Variants in ADAMTSL3 observed in about 807,000 individuals in gnomAD.
ADAMTSL3 encodes the protein ADAMTS like 3, also known as ADAMTS-like protein 3.
ADAMTSL3 carries 128 observed loss-of-function variants against 201.7 expected under a neutral mutation model. The observed-to-expected ratio is 0.63, with a 90% CI of 0.55 to 0.73. The LOEUF is 0.73. Ranked by LOEUF, ADAMTSL3 falls within the 30% of genes least tolerant of loss-of-function variation. ADAMTSL3 has a pLI of 0.00. For synonymous variants in ADAMTSL3, 738 were observed against 748.4 expected (o/e 0.99, Z 0.23); for missense variants, 1,990 against 2,119.6 (o/e 0.94, Z 1.20).
At chr15:83,860,881 G>A (rs1275725081) in intron 8 of ADAMTSL3, among the ~76,000 whole-genome samples, 2 of 152,284 alleles carry the variant, frequency 1.3e-5, no homozygotes, top group Middle Eastern at 3.4e-3. Context: ...CGCGTCACCC[G>A]GGAAGCGCAA....
At chr15:84,028,077 G>C (rs558467226) in intron 27 of ADAMTSL3, among the ~76,000 whole-genome samples, 8 of 152,182 alleles carry the variant, frequency 5.3e-5, no homozygotes, top group Admixed American at 5.2e-4. Flanking sequence ...AATGGTTGCC[G>C]AGGCTTGGGG....
chr15:83,867,540 C>T (rs1302768532), intron 8 of ADAMTSL3, among the ~76,000 whole-genome samples: 1 of 152,196 alleles, frequency 6.6e-6, no homozygotes, highest in Non-Finnish European at 1.5e-5. Flanking sequence ...AATATTTTCC[C>T]TTTAAGCCCT....
intron 26 of ADAMTSL3, among the ~76,000 whole-genome samples, chr15:84,024,467 T>C (rs962980017): frequency 1.3e-5 from 2 of 152,244 alleles, no homozygotes; most frequent in African/African-American, 4.8e-5. Flanking sequence ...TTGTGGCCTA[T>C]GTTTCTATAA....
chr15:83,758,557 T>C (rs1046473514), intron 3 of ADAMTSL3, among the ~76,000 whole-genome samples: 3 of 152,232 alleles, frequency 2.0e-5, no homozygotes, highest in African/African-American at 4.8e-5. Context: ...CCTGTTTGTT[T>C]GTTTTATAAT....
At chr15:83,776,147 C>T (rs2063070695) in intron 4 of ADAMTSL3, among the ~76,000 whole-genome samples, 1 of 152,178 alleles carries the variant, frequency 6.6e-6, no homozygotes, top group Non-Finnish European at 1.5e-5. Flanking sequence ...AAGTGGTATC[C>T]TTAAAATTTC....
intron 2 of ADAMTSL3, among the ~76,000 whole-genome samples, chr15:83,686,989 G>A (rs61665981): frequency 0.019 from 2,849 of 152,102 alleles, 82 homozygotes; most frequent in African/African-American, 0.058. Flanking sequence ...TGAGGAGTTC[G>A]AGATGAGTCT....
At chr15:84,002,747 A>G (rs368829925) in intron 23 of ADAMTSL3, among the ~76,000 whole-genome samples, 2 of 152,012 alleles carry the variant, frequency 1.3e-5, no homozygotes, top group East Asian at 3.9e-4. Flanking sequence ...TATGAATCGG[A>G]CTTTCTTATA....
At chr15:83,907,962 G>C (rs1361225574) in intron 15 of ADAMTSL3, among the ~76,000 whole-genome samples, 4 of 152,202 alleles carry the variant, frequency 2.6e-5, no homozygotes, top group African/African-American at 9.6e-5. Context: ...CATGGAGGTT[G>C]TCCTAATTTA....
intron 9 of ADAMTSL3, among the ~76,000 whole-genome samples, chr15:83,878,058 G>C (rs111301364): frequency 2.0e-5 from 3 of 152,190 alleles, no homozygotes; most frequent in African/African-American, 7.2e-5. Flanking sequence ...AAAGTTCCCT[G>C]TAATTCACCA....
intron 12 of ADAMTSL3, among the ~76,000 whole-genome samples, chr15:83,891,739 A>G (rs1228621008): frequency 6.6e-6 from 1 of 152,144 alleles, no homozygotes; most frequent in Non-Finnish European, 1.5e-5. Flanking sequence ...AATATTGTCC[A>G]TTAGTATTTA....
intron 8 of ADAMTSL3, among the ~76,000 whole-genome samples, chr15:83,859,940 A>C (rs1274228429): frequency 1.3e-5 from 2 of 152,102 alleles, no homozygotes; most frequent in African/African-American, 2.4e-5. Context: ...TGGCAGGAGG[A>C]TCACTTGAGT....
rs199855902 is a variant in ADAMTSL3, at chr15:83,779,697, CAAAA to C, written c.317+6065_317+6068del. On this transcript the variant is annotated intron_variant, in intron 4 of 29. Coordinates refer to ENST00000286744, the MANE Select transcript of ADAMTSL3 (RefSeq NM_207517.3). ...TGGGCAACAGAGCAAGACTCCATCT[CAAAA>C]AAAAAAAAAAAAAAAAAGGAAAAAC... Among the ~76,000 whole-genome samples the C allele has an allele frequency of 1.1e-3, 76 of 72,094 alleles. 1 individual carries two copies. The South Asian group carries it at 0.012, about 11-fold the overall frequency. The allele number at this position is 72,094 out of a possible 152,430, so 47.3% of individuals were successfully genotyped here. A position where few individuals can be genotyped will look rare whatever the true frequency, so the allele number is the denominator to read the frequency against.
rs117163489 is a variant in ADAMTSL3 at position 83,973,099 on chromosome 15, C to G, written c.2644+2462C>G. ...AACGTTTCCTAACATCCAAGACAAC[C>G]AATATCTGTGATGATGACCTTTCTA... On this transcript the variant is annotated intron_variant, in intron 20 of 29. Coordinates refer to ENST00000286744, the MANE Select transcript of ADAMTSL3 (RefSeq NM_207517.3). Among the ~76,000 whole-genome samples, 68 of 152,238 alleles carry G rather than the reference C, an allele frequency of 4.5e-4. 1 individual carries two copies. The East Asian group carries it at 0.012, about 27-fold the overall frequency.
chr15:83,990,583 T>TGG (rs1567286669), intron 22 of ADAMTSL3, among the ~76,000 whole-genome samples: 2 of 152,184 alleles, frequency 1.3e-5, no homozygotes, highest in Non-Finnish European at 2.9e-5. Context: ...CAGGACCTTC[T>TGG]GTCCTGTCTT....
chr15:83,720,152 G>C (rs1258774185), intron 3 of ADAMTSL3, among the ~76,000 whole-genome samples: 2 of 152,178 alleles, frequency 1.3e-5, no homozygotes, highest in African/African-American at 4.8e-5. Flanking sequence ...CTGGGAGGCA[G>C]AGGTTGCAGT....
intron 28 of ADAMTSL3, among the ~76,000 whole-genome samples, chr15:84,031,673 G>A (rs1002305679): frequency 1.3e-5 from 2 of 152,120 alleles, no homozygotes; most frequent in Non-Finnish European, 2.9e-5. Flanking sequence ...ACCACTCTAT[G>A]TGGTAAAAGG....
At chr15:83,900,301 A>G (rs1031248269) in intron 15 of ADAMTSL3, among the ~76,000 whole-genome samples, 7 of 152,232 alleles carry the variant, frequency 4.6e-5, no homozygotes, top group African/African-American at 1.7e-4. Context: ...TTCCAACTCA[A>G]AAATCCAATG....
At chr15:83,813,435 C>G (rs954127089) in intron 5 of ADAMTSL3, among the ~76,000 whole-genome samples, 6 of 152,184 alleles carry the variant, frequency 3.9e-5, no homozygotes, top group African/African-American at 1.2e-4. Context: ...AATTCAGTCA[C>G]TCAAGAAAAG....
intron 7 of ADAMTSL3, among the ~76,000 whole-genome samples, chr15:83,841,302 T>A (rs1265911216): frequency 6.6e-6 from 1 of 152,212 alleles, no homozygotes; most frequent in African/African-American, 2.4e-5. Flanking sequence ...AAACTAAGGA[T>A]GAGAAATGTT....
Sources: gnomAD v4.1 joint callset for allele counts (sites outside exome capture counted in the v4.1 genomes callset) on GRCh38, gnomAD v4.1.1 for gene constraint, MANE v1.5 for transcripts, NCBI Gene and HGNC (gene_info 2026-07-23, HGNC 2026-07-21) for gene names.